The following FAHD1 variants were observed in gnomAD, a reference collection of about 807,000 sequenced individuals.
The protein encoded by FAHD1 is oxaloacetate tautomerase FAHD1, mitochondrial.
Under a neutral mutation model 12.7 loss-of-function variants are expected in FAHD1, and 14 were observed. The observed-to-expected ratio is 1.10, with a 90% CI of 0.73 to 1.72. The LOEUF (loss-of-function observed/expected upper bound fraction) is 1.72. FAHD1 is among the 40% of genes most tolerant of loss of function. The pLI is 0.00. For synonymous variants in FAHD1, 153 were observed against 124.9 expected, an observed-to-expected ratio of 1.22 and a Z score of -1.50; for missense variants, 351 against 298.9, an observed-to-expected ratio of 1.17 and a Z score of -1.29.
downstream of FAHD1, among the ~76,000 whole-genome samples, chr16:1,832,358 A>C (rs1898637562): frequency 6.6e-6 from 1 of 150,524 alleles, no homozygotes. Flanking sequence ...TTTTTAGTAG[A>C]GACAGGGCTT....
At chr16:1,839,481 C>T in exon 3 of FAHD1, 1 of 1,524,280 alleles carries the variant, frequency 6.6e-7, no homozygotes, top group Middle Eastern at 2.0e-4. Flanking sequence ...ATGCCCTAAG[C>T]TACAAATTTC....
rs1473671188 is a variant in FAHD1 at position 1,828,141 on chromosome 16, C to A, written c.*237C>A. ...CTAAAAATACAAAAAATTAGCCGGGCGTGGTGGCGGGCGCCTGTAGTCCCA... is the reference window on the plus strand; with the variant it reads ...CTAAAAATACAAAAAATTAGCCGGGAGTGGTGGCGGGCGCCTGTAGTCCCA... On this transcript the variant is annotated 3_prime_UTR_variant, in exon 1 of 1. Transcript: ENST00000427358. 11 of 874,764 alleles carry A rather than the reference C, an allele frequency of 1.3e-5. No homozygotes were observed. In the African/African-American group the frequency reaches 1.7e-4, roughly 14 times the overall value. 54.2% of individuals were successfully genotyped at this position (874,764 alleles called of 1,614,324 possible). A position where few individuals can be genotyped will look rare whatever the true frequency, so the allele number is the denominator to read the frequency against.
chr16:1,837,378 G>T (rs1898777942), intron 1 of FAHD1, among the ~76,000 whole-genome samples: 1 of 152,056 alleles, frequency 6.6e-6, no homozygotes, highest in Non-Finnish European at 1.5e-5. Context: ...ACCTTTTGGG[G>T]TTCAGGGGCC....
chr16:1,827,276 G>T (rs1259436643), exon 1 of FAHD1: 1 of 1,612,710 alleles, frequency 6.2e-7, no homozygotes, highest in African/African-American at 1.3e-5. Context: ...TTCTGGGAGT[G>T]GGGAAAGAAC....
chr16:1,838,708 T>G (rs1015225353), intron 2 of FAHD1, among the ~76,000 whole-genome samples: 31 of 152,168 alleles, frequency 2.0e-4, no homozygotes, highest in Non-Finnish European at 8.8e-5. Context: ...TTTTAATTAT[T>G]TGGAGACAAG....
In FAHD1 at chr16:1,834,155, T is replaced by G. The variant is rs939948994; in HGVS notation, c.628-3861T>G. 1.0e-5 allele frequency: 7 copies of G among 681,960 alleles called. No individual in the cohort carries two copies. The African/African-American group carries it at 1.3e-4, about 12-fold the overall frequency. The allele number at this position is 681,960 out of a possible 1,614,324, so 42.2% of individuals were successfully genotyped here. On this transcript the variant is annotated intron_variant, in intron 1 of 2. Coordinates refer to the FAHD1 transcript ENST00000382666. ...TTTCTAGAAACATGTTCACCACATG[T>G]AAACAAAATGCAATTTTCCCCATAA...
chr16:1,833,618 G>C (rs1480657049), downstream of FAHD1, among the ~76,000 whole-genome samples: 3 of 144,276 alleles, frequency 2.1e-5, no homozygotes, highest in Non-Finnish European at 4.5e-5. Context: ...CTGGAGTGCA[G>C]TGGCTGGATC....
chr16:1,837,676 T>G, intron 1 of FAHD1: 1 of 586,904 alleles, frequency 1.7e-6, no homozygotes, highest in South Asian at 3.1e-5. Flanking sequence ...ATCTGGGAAC[T>G]GGGCATTAGA....
At chr16:1,833,232 C>T (rs1487725718), downstream of FAHD1, among the ~76,000 whole-genome samples, 1 of 152,168 alleles carries the variant, frequency 6.6e-6, no homozygotes. Context: ...CAGCTGTCGT[C>T]CTCATGTCCT....
chr16:1,827,515 G>A (rs1232867127), exon 1 of FAHD1: 2 of 1,613,040 alleles, frequency 1.2e-6, no homozygotes, highest in Non-Finnish European at 1.7e-6. Flanking sequence ...CTACGTGGGC[G>A]GCTATGCCCT....
chr16:1,839,199 G>C (rs773986058), intron 2 of FAHD1: 7 of 1,464,854 alleles, frequency 4.8e-6, no homozygotes, highest in Non-Finnish European at 6.3e-6. Context: ...TATTTTTTTG[G>C]GAAAAAGCAT....
chr16:1,837,701 G>A lies in FAHD1; in HGVS notation c.628-315G>A, dbSNP rs113237176. 1,175 of 709,288 alleles carry A rather than the reference G, an allele frequency of 1.7e-3. 15 individuals carry two copies. The African/African-American group carries it at 0.019, about 11-fold the overall frequency. 43.9% of individuals were successfully genotyped at this position (709,288 alleles called of 1,614,324 possible). A position where few individuals can be genotyped will look rare whatever the true frequency, so the allele number is the denominator to read the frequency against. Reference sequence around the variant, plus strand: ...TGGGCATTAGAAATAATAAATTCTCGAATTTATCTAGGTTTTTCTTATGGT... The same window carrying A: ...TGGGCATTAGAAATAATAAATTCTCAAATTTATCTAGGTTTTTCTTATGGT... On this transcript the variant is annotated intron_variant, in intron 1 of 2. Transcript: ENST00000382666.
exon 1 of FAHD1, chr16:1,828,709 C>G (rs890647068): frequency 2.1e-6 from 2 of 933,302 alleles, no homozygotes; most frequent in Middle Eastern, 5.5e-4. Context: ...GCTGTGTTTA[C>G]AGGGCATTCC....
chr16:1,831,520 T>A (rs561115178), downstream of FAHD1, among the ~76,000 whole-genome samples: 2 of 152,276 alleles, frequency 1.3e-5, no homozygotes, highest in South Asian at 4.1e-4. Context: ...CTGACCCTCA[T>A]AGAAGCTGAG....
intron 1 of FAHD1, among the ~76,000 whole-genome samples, chr16:1,835,145 C>G (rs1898707672): frequency 1.3e-5 from 2 of 151,936 alleles, no homozygotes; most frequent in East Asian, 3.9e-4. Flanking sequence ...GTCCCAGCTA[C>G]TCGGTGGCTG....
At chr16:1,829,735 C>T (rs1017335092), downstream of FAHD1, among the ~76,000 whole-genome samples, 5 of 152,124 alleles carry the variant, frequency 3.3e-5, no homozygotes, top group African/African-American at 1.2e-4. Context: ...GAACAAAACA[C>T]CAAAAATTTC....
At chr16:1,828,591 T>C (rs539343917) in exon 1 of FAHD1, 1 of 999,756 alleles carries the variant, frequency 1.0e-6, no homozygotes. Flanking sequence ...CCAAATTTTC[T>C]TAGATTTGGT....
In FAHD1 at chr16:1,827,514, C is replaced by T. The variant is rs369398052; in HGVS notation, c.276C>T (p.Gly92=). ...AGGCTGCGGCCATGGACTACGTGGG[C>T]GGCTATGCCCTGTGCCTGGATATGA... The change falls in exon 1 of 1, where the codon GGC becomes GGT. Residue 92 remains glycine (G), a synonymous_variant. Coordinates refer to ENST00000427358, the Ensembl canonical transcript of FAHD1. 19 of 1,612,858 alleles carry T rather than the reference C, an allele frequency of 1.2e-5. No homozygotes were observed. The African/African-American group carries it at 2.4e-4, about 20-fold the overall frequency.
downstream of FAHD1, among the ~76,000 whole-genome samples, chr16:1,832,399 C>T (rs904667462): frequency 4.0e-5 from 6 of 150,636 alleles, no homozygotes; most frequent in South Asian, 4.2e-4. Flanking sequence ...TCTACATCTC[C>T]GGACCTCGTG....
Sources: gnomAD v4.1 joint callset for allele counts (sites outside exome capture counted in the v4.1 genomes callset) on GRCh38, gnomAD v4.1.1 for gene constraint, MANE v1.5 for transcripts, NCBI Gene and HGNC (gene_info 2026-07-23, HGNC 2026-07-21) for gene names.